The following FLRT2 variants were observed in gnomAD, a reference collection of about 807,000 sequenced individuals.
FLRT2 encodes the protein fibronectin leucine rich transmembrane protein 2.
FLRT2 carries 15 observed loss-of-function variants against 40.0 expected under a neutral mutation model. The ratio of observed to expected loss-of-function variants is 0.38; its 90% CI spans 0.25 to 0.58. FLRT2 has a LOEUF of 0.58. Ranked by LOEUF, FLRT2 falls within the 20% of genes least tolerant of loss-of-function variation. The probability of loss-of-function intolerance (pLI) is 0.71; values close to 1 mark genes in which losing one functional copy is unlikely to be tolerated. For missense variants in FLRT2, 726 were observed against 840.0 expected (o/e 0.86, Z 1.68); for synonymous variants, 380 against 336.8 (o/e 1.13, Z -1.41).
At chr14:85,588,872 G>A (rs1196573117) in intron 1 of FLRT2, among the ~76,000 whole-genome samples, 4 of 152,130 alleles carry the variant, frequency 2.6e-5, no homozygotes, top group African/African-American at 7.2e-5. Flanking sequence ...AACATGTGAT[G>A]TTTGTCTTTC....
At chr14:85,579,194 TG>T in intron 1 of FLRT2, among the ~76,000 whole-genome samples, 1 of 152,002 alleles carries the variant, frequency 6.6e-6, no homozygotes, top group East Asian at 1.9e-4. Context: ...CTGGTGAGAG[TG>T]GGAGGCTGGA....
chr14:85,566,146 T>C (rs1224512865), intron 1 of FLRT2, among the ~76,000 whole-genome samples: 1 of 151,932 alleles, frequency 6.6e-6, no homozygotes, highest in Non-Finnish European at 1.5e-5. Context: ...CAGCAGTAGT[T>C]TTTTCCATGA....
chr14:85,632,424 A>C lies in FLRT2; in HGVS notation c.*8927A>C. 2 of 149,202 alleles carry C rather than the reference A, an allele frequency of 1.3e-5. No individual in the cohort carries two copies. Among genetic ancestry groups the C allele is most frequent in the Non-Finnish European group, 3.0e-5 (2 of 67,660 alleles). The allele number at this position is 149,202 out of a possible 1,614,324, so 9.2% of individuals were successfully genotyped here. A position where few individuals can be genotyped will look rare whatever the true frequency, so the allele number is the denominator to read the frequency against. On this transcript the variant is annotated 3_prime_UTR_variant, in exon 2 of 2. Transcript: ENST00000330753. Reference sequence around the variant, plus strand: ...GAGGTGGAGGTTGCAGTGAGCCAAGATCATGCCATTGCACTCCAGCCTGGT... The same window carrying C: ...GAGGTGGAGGTTGCAGTGAGCCAAGCTCATGCCATTGCACTCCAGCCTGGT...
At chr14:85,602,994 A>G (rs1892446233) in intron 1 of FLRT2, among the ~76,000 whole-genome samples, 2 of 152,196 alleles carry the variant, frequency 1.3e-5, no homozygotes, top group Non-Finnish European at 1.5e-5. Flanking sequence ...TGTGAAAAGT[A>G]TAAATGAAGT....
intron 1 of FLRT2, among the ~76,000 whole-genome samples, chr14:85,581,148 G>A (rs1056700283): frequency 5.9e-5 from 9 of 152,236 alleles, no homozygotes; most frequent in South Asian, 4.2e-4. Flanking sequence ...TGAAATTTGC[G>A]CGACCGCCCA....
At chr14:85,546,281 G>A (rs547114277) in intron 1 of FLRT2, among the ~76,000 whole-genome samples, 26 of 152,220 alleles carry the variant, frequency 1.7e-4, no homozygotes, top group Non-Finnish European at 2.6e-4. Context: ...TAATACTGTC[G>A]AAATTATGTG....
intron 1 of FLRT2, among the ~76,000 whole-genome samples, chr14:85,570,271 G>A (rs1260812661): frequency 6.6e-6 from 1 of 152,142 alleles, no homozygotes; most frequent in African/African-American, 2.4e-5. Flanking sequence ...TCTATGTGAG[G>A]ATATTGTAAA....
intron 1 of FLRT2, among the ~76,000 whole-genome samples, chr14:85,555,070 T>A (rs1889870333): frequency 6.6e-6 from 1 of 152,202 alleles, no homozygotes; most frequent in Non-Finnish European, 1.5e-5. Context: ...GATTGTACTA[T>A]GTGTATAAAA....
At chr14:85,602,252 T>C (rs1195671919) in intron 1 of FLRT2, among the ~76,000 whole-genome samples, 1 of 152,228 alleles carries the variant, frequency 6.6e-6, no homozygotes, top group East Asian at 1.9e-4. Context: ...TTTTCTTTAC[T>C]GTCTCCTGAC....
chr14:85,606,852 T>C (rs1033926126), intron 1 of FLRT2, among the ~76,000 whole-genome samples: 14 of 151,162 alleles, frequency 9.3e-5, no homozygotes, highest in African/African-American at 3.4e-4. Context: ...CCATGCTTGG[T>C]AGTCTATGAT....
At chr14:85,610,453 G>T (rs981664390) in intron 1 of FLRT2, among the ~76,000 whole-genome samples, 1 of 152,098 alleles carries the variant, frequency 6.6e-6, no homozygotes, top group African/African-American at 2.4e-5. Context: ...TACCTTCCCT[G>T]CAGGCTTTTC....
chr14:85,539,835 T>C (rs1888881124), intron 1 of FLRT2, among the ~76,000 whole-genome samples: 1 of 152,250 alleles, frequency 6.6e-6, no homozygotes, highest in South Asian at 2.1e-4. Flanking sequence ...GACAGAGTCC[T>C]GCCTTTCAGG....
chr14:85,567,589 T>C (rs1197848903), intron 1 of FLRT2, among the ~76,000 whole-genome samples: 2 of 151,926 alleles, frequency 1.3e-5, no homozygotes, highest in Non-Finnish European at 2.9e-5. Flanking sequence ...AGAGTTAGTA[T>C]TGTGAAAGGC....
Position 85,641,034 on chromosome 14 carries a change from C to T in FLRT2, c.*17537C>T, listed in dbSNP as rs1423793865. On this transcript the variant is annotated 3_prime_UTR_variant, in exon 2 of 2. Transcript: ENST00000330753. ...ATGTACTACATCTAGTGCATTTCTC[C>T]ATAATGTGGGTGGCAATTATTCTAA... 1 of 152,164 alleles carries T rather than the reference C, an allele frequency of 6.6e-6. No individual in the cohort carries two copies. The highest frequency in any genetic ancestry group is 1.9e-4 in the East Asian group (1 of 5,190). The allele number at this position is 152,164 out of a possible 1,614,324, so 9.4% of individuals were successfully genotyped here.
intron 1 of FLRT2, among the ~76,000 whole-genome samples, chr14:85,604,739 T>C (rs974668305): frequency 1.1e-4 from 16 of 152,210 alleles, no homozygotes; most frequent in Admixed American, 3.3e-4. Context: ...ATAAACTAAA[T>C]TGCTCTAAAT....
At chr14:85,611,402 T>A (rs967652855) in intron 1 of FLRT2, among the ~76,000 whole-genome samples, 3 of 152,236 alleles carry the variant, frequency 2.0e-5, no homozygotes, top group African/African-American at 7.2e-5. Context: ...GGTTGCGGGC[T>A]AATCCAAAAG....
intron 1 of FLRT2, among the ~76,000 whole-genome samples, chr14:85,580,224 G>A (rs1027097169): frequency 2.6e-5 from 4 of 152,164 alleles, no homozygotes; most frequent in Admixed American, 1.3e-4. Flanking sequence ...GTGTCTGCTG[G>A]ACAGTGTGCC....
At chr14:85,596,288 T>C (rs1351953827) in intron 1 of FLRT2, among the ~76,000 whole-genome samples, 2 of 152,170 alleles carry the variant, frequency 1.3e-5, no homozygotes, top group Non-Finnish European at 2.9e-5. Flanking sequence ...GTGCGGTCCA[T>C]TGAATTACCA....
chr14:85,617,838 T>C (rs1350041331), intron 1 of FLRT2, among the ~76,000 whole-genome samples: 1 of 152,110 alleles, frequency 6.6e-6, no homozygotes, highest in Non-Finnish European at 1.5e-5. Flanking sequence ...GAACTTGTCA[T>C]AGCCGATCAA....
Sources: allele counts gnomAD v4.1 joint callset (sites outside exome capture counted in the v4.1 genomes callset), GRCh38; gene constraint gnomAD v4.1.1; transcripts MANE v1.5; gene names NCBI Gene and HGNC (gene_info 2026-07-23, HGNC 2026-07-21).